Variants in RIC3 observed in about 807,000 individuals in gnomAD.
RIC3 encodes RIC3 acetylcholine receptor chaperone.
RIC3 carries 28 observed loss-of-function variants against 27.3 expected under a neutral mutation model. That is an observed-to-expected ratio of 1.02 (90% CI 0.76 to 1.41). RIC3 has a LOEUF of 1.41. RIC3 is among the 40% of genes most tolerant of loss of function. RIC3 has a pLI of 0.00. For synonymous variants in RIC3, 184 were observed against 160.4 expected (o/e 1.15, Z -1.11); for missense variants, 501 against 444.7 (o/e 1.13, Z -1.14).
rs958391613 is a variant in RIC3 at position 8,107,526 on chromosome 11, A to G, written c.*3172T>C. ...CTATCACCTTGGCATAATTATATTA[A>G]AGCTCCCTTTTTCCAAAGTGTTTGA... On this transcript the variant is annotated 3_prime_UTR_variant, in exon 6 of 6. Transcript: ENST00000309737. The G allele has an allele frequency of 1.3e-5, 2 of 152,182 alleles. No individual in the cohort carries two copies. The highest frequency in any genetic ancestry group is 2.9e-5 in the Non-Finnish European group (2 of 68,038). The allele number at this position is 152,182 out of a possible 1,614,324, so 9.4% of individuals were successfully genotyped here.
At chr11:8,163,648 A>C (rs1218654985) in intron 1 of RIC3, among the ~76,000 whole-genome samples, 2 of 152,146 alleles carry the variant, frequency 1.3e-5, no homozygotes. Flanking sequence ...TATTTAACAA[A>C]ATAAGACTTT....
rs540753494 is a variant in RIC3 at position 8,167,298 on chromosome 11, T to C, written c.124+1568A>G. Among the ~76,000 whole-genome samples the C allele has an allele frequency of 1.2e-4, 19 of 152,282 alleles. No individual in the cohort carries two copies. The East Asian group carries it at 2.3e-3, about 19-fold the overall frequency. On this transcript the variant is annotated intron_variant, in intron 1 of 5. Transcript: ENST00000309737. ...CTTAAGAATATTCCATATCATATAG[T>C]GATGCCTATCATGAAGAATATAAAA... is the stretch of plus-strand genomic sequence containing the variant.
chr11:8,141,592 C>A (rs1949078456), intron 1 of RIC3, among the ~76,000 whole-genome samples: 1 of 150,916 alleles, frequency 6.6e-6, no homozygotes, highest in Non-Finnish European at 1.5e-5. Context: ...GACTTTAACA[C>A]CCCACTGTCA....
At chr11:8,163,050 C>CACAT (rs1384209995) in intron 1 of RIC3, among the ~76,000 whole-genome samples, 1 of 128,234 alleles carries the variant, frequency 7.8e-6, no homozygotes, top group South Asian at 2.3e-4. Context: ...CACACACACA[C>CACAT]ATACACACAC....
intron 5 of RIC3, among the ~76,000 whole-genome samples, chr11:8,112,297 T>TTC (rs2134051130): frequency 6.6e-6 from 1 of 150,932 alleles, no homozygotes; most frequent in African/African-American, 2.4e-5. Flanking sequence ...TTCTTTTCTT[T>TTC]TTTTTTTTTT....
chr11:8,139,887 G>A (rs1009163054), intron 2 of RIC3, 80 bp downstream of exon 2: 3 of 1,242,736 alleles, frequency 2.4e-6, no homozygotes, highest in Admixed American at 2.1e-5. Context: ...TGAACTATAA[G>A]AAGTTTTAAT....
At chr11:8,106,004 G>C (rs766320426), downstream of RIC3, 3 of 151,798 alleles carry the variant, frequency 2.0e-5, no homozygotes, top group Non-Finnish European at 4.4e-5. Flanking sequence ...TCCTATTTTG[G>C]AGTGGTCAGA....
At chr11:8,129,242 C>T (rs1361009697) in intron 4 of RIC3, among the ~76,000 whole-genome samples, 1 of 151,944 alleles carries the variant, frequency 6.6e-6, no homozygotes, top group Non-Finnish European at 1.5e-5. Context: ...TCCTGACTCA[C>T]TTTTTTCCAC....
intron 1 of RIC3, among the ~76,000 whole-genome samples, chr11:8,156,629 T>C (rs1188162057): frequency 6.6e-6 from 1 of 152,206 alleles, no homozygotes; most frequent in East Asian, 1.9e-4. Context: ...TCACCATGCT[T>C]TGAACCTGAC....
At chr11:8,167,935 G>A (rs1951863005) in intron 1 of RIC3, among the ~76,000 whole-genome samples, 1 of 152,222 alleles carries the variant, frequency 6.6e-6, no homozygotes, top group South Asian at 2.1e-4. Flanking sequence ...TAGTGTGTAT[G>A]ATGCTCAAGA....
At position 8,139,636 on chromosome 11, in the gene RIC3, A is replaced by ATTTTT. The variant is rs72265360; in HGVS notation, c.351+326_351+330dup. On this transcript the variant is annotated intron_variant, in intron 2 of 5. Transcript: ENST00000309737. ...TCCTTTTCGGCCTGTAAAGATGTTA[A>ATTTTT]TTTTTTTTTTTTTTTTTTTTTTTTT... 96 of 92,670 alleles carry ATTTTT rather than the reference A, an allele frequency of 1.0e-3. 3 individuals are homozygous for ATTTTT. Among genetic ancestry groups the ATTTTT allele is most frequent in the Non-Finnish European group, 1.1e-3 (55 of 50,068 alleles). The allele number at this position is 92,670 out of a possible 1,614,324, so 5.7% of individuals were successfully genotyped here.
At chr11:8,156,418 T>C (rs760484756) in intron 1 of RIC3, among the ~76,000 whole-genome samples, 3 of 152,210 alleles carry the variant, frequency 2.0e-5, no homozygotes, top group Admixed American at 1.3e-4. Context: ...TGATATCTAC[T>C]TTCCAGAGTT....
chr11:8,164,164 AC>A (rs1181025351), intron 1 of RIC3, among the ~76,000 whole-genome samples: 1 of 152,158 alleles, frequency 6.6e-6, no homozygotes, highest in Non-Finnish European at 1.5e-5. Flanking sequence ...CTCCTACCTT[AC>A]CCATATACAC....
In RIC3 at chr11:8,110,727, T is replaced by G. The variant is rs147062937; in HGVS notation, c.1081A>C (p.Arg361=). ...TDKAYTGSML[R]KRNPQGLE is the part of the protein sequence containing the mutation. ...TCTAAACCCTGGGGGTTACGCTTCC[T>G]CAGCATGCTGCCTGTATATGCTTTA... Residue 361 remains arginine (R), a synonymous_variant, in exon 6 of 6, where the codon AGG becomes CGG. Coordinates refer to ENST00000309737, the MANE Select transcript of RIC3 (RefSeq NM_001206671.4). 2 of 1,614,094 alleles carry G rather than the reference T, an allele frequency of 1.2e-6. No homozygotes were observed. Among genetic ancestry groups the G allele is most frequent in the Admixed American group, 1.7e-5 (1 of 60,008 alleles).
At chr11:8,124,712 G>C (rs1946817331) in intron 5 of RIC3, among the ~76,000 whole-genome samples, 1 of 152,184 alleles carries the variant, frequency 6.6e-6, no homozygotes, top group Non-Finnish European at 1.5e-5. Context: ...GAGCCCAGAA[G>C]AGACAAGCAC....
rs1944890521 is a variant in RIC3, at chr11:8,108,269, CT to C, written c.*2428del. The C allele has an allele frequency of 6.6e-6, 1 of 152,180 alleles. No individual in the cohort carries two copies. The highest frequency in any genetic ancestry group is 2.4e-5 in the African/African-American group (1 of 41,442). The allele number at this position is 152,180 out of a possible 1,614,324, so 9.4% of individuals were successfully genotyped here. On this transcript the variant is annotated 3_prime_UTR_variant, in exon 6 of 6. Transcript: ENST00000309737. Reference sequence around the variant, plus strand: ...CACACCCTACTGCTTTTTTCAACAACTCTTTCTGCCAAGAGTGTCCTCTCTT... The same window carrying C: ...CACACCCTACTGCTTTTTTCAACAACCTTTCTGCCAAGAGTGTCCTCTCTT...
At chr11:8,142,699 C>A (rs955224825) in intron 1 of RIC3, among the ~76,000 whole-genome samples, 3 of 134,196 alleles carry the variant, frequency 2.2e-5, no homozygotes, top group Non-Finnish European at 4.6e-5. Flanking sequence ...CATTCTGATA[C>A]CAAAGCCGGG....
At chr11:8,126,874 C>CT (rs760225837) in intron 4 of RIC3, 67 bp from the exon 5 acceptor site, 1 of 1,585,620 alleles carries the variant, frequency 6.3e-7, no homozygotes, top group South Asian at 1.1e-5. Context: ...GTAAACATCA[C>CT]TATGGTCTGT....
At chr11:8,100,244 G>C in the RIC3 span, among the ~76,000 whole-genome samples, 1 of 152,096 alleles carries the variant, frequency 6.6e-6, no homozygotes, top group East Asian at 1.9e-4. Flanking sequence ...ACTCGAGTGT[G>C]ACCAAGTAGT....
Sources: allele counts gnomAD v4.1 joint callset (sites outside exome capture counted in the v4.1 genomes callset), GRCh38; gene constraint gnomAD v4.1.1; transcripts MANE v1.5; gene names NCBI Gene and HGNC (gene_info 2026-07-23, HGNC 2026-07-21).